METTL23: variants seen among roughly 807,000 people sequenced by gnomAD.
METTL23 encodes the protein methyltransferase 23, arginine.
A neutral mutation model predicts 21.2 loss-of-function variants in METTL23; 24 were observed. The ratio of observed to expected loss-of-function variants is 1.13; its 90% confidence interval spans 0.82 to 1.59. The LOEUF is 1.59. Among genes scored for constraint, METTL23 ranks in the 40% most tolerant of loss-of-function variants. METTL23 has a pLI of 0.00. For synonymous variants in METTL23, 97 were observed against 75.2 expected, an observed-to-expected ratio of 1.29 and a Z score of -1.50; for missense variants, 276 against 221.4, an observed-to-expected ratio of 1.25 and a Z score of -1.57.
chr17:76,733,627 C>A lies in METTL23; in HGVS notation c.514C>A (p.Leu172Ile). 6.2e-7 allele frequency: 1 copy of A among 1,613,852 alleles called. No homozygotes were observed. Among genetic ancestry groups the A allele is most frequent in the Non-Finnish European group, 8.5e-7 (1 of 1,179,836 alleles). ...CAAAGAAGATATAGCAGAATCTACC[C>A]TTCCAGGAAGACATACAGTTGAAAT... is the stretch of plus-strand genomic sequence containing the variant. ...ADKEDIAEST[L>I]PGRHTVEMLV... The change falls in exon 5 of 5, where the codon CTT becomes ATT. Residue 172 changes from leucine to isoleucine, a missense_variant. Coordinates refer to ENST00000341249, the MANE Select transcript of METTL23 (RefSeq NM_001080510.5).
intron 2 of METTL23, among the ~76,000 whole-genome samples, chr17:76,732,191 C>G (rs1378534542): frequency 2.1e-5 from 3 of 142,978 alleles, no homozygotes; most frequent in Non-Finnish European, 4.4e-5. Flanking sequence ...AACCCAGTCC[C>G]TACTAAAAAA....
At chr17:76,726,583 C>T, upstream of METTL23, 3 of 1,415,530 alleles carry the variant, frequency 2.1e-6, no homozygotes, top group Non-Finnish European at 2.8e-6. Context: ...ACCCAAACGC[C>T]CTTCGCTCAG....
rs1047845633 is a variant in METTL23 at position 76,731,348 on chromosome 17, T to G, written c.84+1554T>G. Reference sequence around the variant, plus strand: ...AGGATGAAAGTCCTTACAGGTTCAGTGTCTGGTGAGGGCCAGAATTCTGGT... The same window carrying G: ...AGGATGAAAGTCCTTACAGGTTCAGGGTCTGGTGAGGGCCAGAATTCTGGT... On this transcript the variant is annotated intron_variant, in intron 2 of 4. Coordinates refer to ENST00000341249, the MANE Select transcript of METTL23 (RefSeq NM_001080510.5). 2.0e-5 allele frequency among the ~76,000 whole-genome samples: 3 copies of G among 152,222 alleles called. 1 individual carries two copies. The highest frequency in any genetic ancestry group is 4.1e-4 in the South Asian group (2 of 4,832).
chr17:76,733,467 C>T (rs1035034906), intron 4 of METTL23, 54 bp from the exon 5 acceptor site: 2 of 1,599,282 alleles, frequency 1.3e-6, no homozygotes, highest in African/African-American at 2.7e-5. Context: ...TAGAATACAT[C>T]TGAAGCAAAA....
At chr17:76,728,792 C>CTT (rs10690835) in intron 1 of METTL23, among the ~76,000 whole-genome samples, 6,019 of 118,394 alleles carry the variant, frequency 0.051, 463 homozygotes, top group African/African-American at 0.15. Flanking sequence ...AGCCTCTTTC[C>CTT]TTTTTTTTTT....
chr17:76,732,427 G>A (rs1257733888), intron 2 of METTL23, among the ~76,000 whole-genome samples: 1 of 152,044 alleles, frequency 6.6e-6, no homozygotes, highest in Non-Finnish European at 1.5e-5. Context: ...GAACCCGGGA[G>A]GCGGGGGTTG....
rs901151956 is a variant in METTL23, at chr17:76,726,902, C to G, written c.-298C>G. 8.8e-6 allele frequency: 4 copies of G among 453,298 alleles called. No homozygotes were observed. The highest frequency in any genetic ancestry group is 6.2e-5 in the South Asian group (4 of 64,488). 28.1% of individuals were successfully genotyped at this position (453,298 alleles called of 1,614,324 possible). On this transcript the variant is annotated 5_prime_UTR_variant, in exon 1 of 5. Coordinates refer to ENST00000341249, the MANE Select transcript of METTL23 (RefSeq NM_001080510.5). ...CGTGTGAGTCTCTTTCGCCTTGCTC[C>G]GGGCTTTCTTCGCTCGCAGCGCGGC...
At chr17:76,732,794 C>A in intron 2 of METTL23, 184 bp from the exon 3 acceptor site, 1 of 611,612 alleles carries the variant, frequency 1.6e-6, no homozygotes. Flanking sequence ...AGAGTAGATT[C>A]ATAAGGAATG....
At chr17:76,732,891 C>T (rs1291989551) in intron 2 of METTL23, 87 bp from the exon 3 acceptor site, 9 of 1,126,510 alleles carry the variant, frequency 8.0e-6, no homozygotes, top group Middle Eastern at 2.3e-4. Flanking sequence ...TTTAAAAATG[C>T]AAGAATATAA....
Position 76,733,293 on chromosome 17 carries a change from A to T in METTL23, c.323A>T (p.Asp108Val). 1.9e-6 allele frequency: 3 copies of T among 1,613,942 alleles called. No homozygotes were observed. The highest frequency in any genetic ancestry group is 1.7e-6 in the Non-Finnish European group (2 of 1,179,838). The change falls in exon 4 of 5, where the codon GAT becomes GTT. Residue 108 changes from aspartate (D) to valine (V), a missense_variant and splice_region_variant. By Grantham distance (152) the Asp-to-Val change is radical (BLOSUM62 -3). Coordinates refer to ENST00000341249, the MANE Select transcript of METTL23 (RefSeq NM_001080510.5). The part of the protein sequence containing the change: ...LASDVFFEPE[D>V]FEDILATIYF... ...CTATTCATAAATCCTTTCTCCTCAG[A>T]TTTTGAAGACATTTTGGCTACAATA...
chr17:76,733,094 A>G lies in METTL23; in HGVS notation c.201A>G (p.Gln67=), dbSNP rs1266344170. ...TGGAAGTCTGTCGGCAAAGCTGCCA[A>G]ATGAATAACCTGCCACATCTGCAGG... ...HCLEVCRQSC[Q]MNNLPHLQVV... The change falls in exon 3 of 5, where the codon CAA becomes CAG. Residue 67 remains glutamine, a synonymous_variant. Transcript: ENST00000341249. 10 of 1,612,630 alleles carry G rather than the reference A, an allele frequency of 6.2e-6. No individual in the cohort carries two copies. The highest frequency in any genetic ancestry group is 1.6e-4 in the Middle Eastern group (1 of 6,084).
At chr17:76,729,108 T>G (rs1172902916) in intron 1 of METTL23, among the ~76,000 whole-genome samples, 1 of 143,154 alleles carries the variant, frequency 7.0e-6, no homozygotes, top group Non-Finnish European at 1.5e-5. Context: ...CATTTTTTTT[T>G]GAAACGTAGT....
At position 76,729,782 on chromosome 17, in the gene METTL23, G is replaced by T; in HGVS notation, c.72G>T (p.Lys24Asn). 4 of 1,590,758 alleles carry T rather than the reference G, an allele frequency of 2.5e-6. No homozygotes were observed. Among genetic ancestry groups the T allele is most frequent in the Non-Finnish European group, 3.4e-6 (4 of 1,166,902 alleles). ...LWFHRRSLPG[K>N]AILEIGAGVS... is the part of the protein sequence containing the mutation. The stretch of plus-strand genomic sequence containing the variant: ...TTCACAGAAGATCTCTGCCAGGCAA[G>T]GCCATCTTAGAGGTACAAATGCCCC... The change falls in exon 2 of 5, where the codon AAG becomes AAT. Residue 24 changes from lysine (K) to asparagine (N), a missense_variant. By Grantham distance (94) the Lys-to-Asn change is moderately conservative. Coordinates refer to ENST00000341249, the MANE Select transcript of METTL23 (RefSeq NM_001080510.5).
At chr17:76,728,367 C>G (rs1003130519) in intron 1 of METTL23, among the ~76,000 whole-genome samples, 3 of 151,722 alleles carry the variant, frequency 2.0e-5, no homozygotes, top group Non-Finnish European at 4.4e-5. Context: ...TTTCAAGTAA[C>G]TGAGACTACA....
rs1202763346 is a variant in METTL23, at chr17:76,733,801, CTGTT to C, written c.*118_*121del. ...GCAGTGGGTCTGAAGATGGTCAAGTCTGTTTGCCTTAGATTTTGATGTCACCTAG... is the reference window on the plus strand; with the variant it reads ...GCAGTGGGTCTGAAGATGGTCAAGTCTGCCTTAGATTTTGATGTCACCTAG... On this transcript the variant is annotated 3_prime_UTR_variant, in exon 5 of 5. Coordinates refer to ENST00000341249, the MANE Select transcript of METTL23 (RefSeq NM_001080510.5). The C allele has an allele frequency of 9.0e-6, 8 of 889,248 alleles. No individual in the cohort carries two copies. The South Asian group carries it at 1.0e-4, about 11-fold the overall frequency. 55.1% of individuals were successfully genotyped at this position (889,248 alleles called of 1,614,324 possible).
Position 76,733,153 on chromosome 17 carries a change from A to T in METTL23, c.260A>T (p.Asp87Val). 6.2e-7 allele frequency: 1 copy of T among 1,613,936 alleles called. No homozygotes were observed. The highest frequency in any genetic ancestry group is 8.5e-7 in the Non-Finnish European group (1 of 1,179,862). ...VGLTWGHISW[D>V]LLALPPQDII... ...CTAACATGGGGTCATATATCTTGGG[A>T]TCTTCTGGCTCTACCACCACAAGAT... The change falls in exon 3 of 5, where the codon GAT (aspartate) becomes GTT (valine). Residue 87 changes from aspartate (D) to valine (V), a missense_variant. Coordinates refer to ENST00000341249, the MANE Select transcript of METTL23 (RefSeq NM_001080510.5).
At position 76,733,314 on chromosome 17, in the gene METTL23, CAATAT is replaced by C; in HGVS notation, c.346_350del (p.Ile116PhefsTer18). 1.2e-6 allele frequency: 2 copies of C among 1,613,902 alleles called. No individual in the cohort carries two copies. Among genetic ancestry groups the C allele is most frequent in the Non-Finnish European group, 1.7e-6 (2 of 1,179,852 alleles). On this transcript the variant is annotated frameshift_variant, in exon 4 of 5. Coordinates refer to ENST00000341249, the MANE Select transcript of METTL23 (RefSeq NM_001080510.5). LOFTEE classifies it high-confidence loss of function. Reference sequence around the variant, plus strand: ...TCAGATTTTGAAGACATTTTGGCTACAATATATTTTTTGATGCACAAGAATCCCAA... The same window carrying C: ...TCAGATTTTGAAGACATTTTGGCTACATTTTTTGATGCACAAGAATCCCAA...
At position 76,732,963 on chromosome 17, in the gene METTL23, T is replaced by G. The variant is rs889901102; in HGVS notation, c.85-15T>G. On this transcript the variant is annotated splice_polypyrimidine_tract_variant and intron_variant, in intron 2 of 4. Coordinates refer to ENST00000341249, the MANE Select transcript of METTL23 (RefSeq NM_001080510.5). ...CAAGTATAATTGTGAAATGCCATCTTTCATAACTTATTAGATTGGAGCTGG... is the reference window on the plus strand; with the variant it reads ...CAAGTATAATTGTGAAATGCCATCTGTCATAACTTATTAGATTGGAGCTGG... 6.4e-7 allele frequency: 1 copy of G among 1,551,264 alleles called. No homozygotes were observed.
chr17:76,726,652 T>G, upstream of METTL23: 1 of 882,484 alleles, frequency 1.1e-6, no homozygotes, highest in Non-Finnish European at 1.6e-6. Context: ...CTCCCGAGCC[T>G]CGGGTTGGGC....
Sources: gnomAD v4.1 joint callset for allele counts (sites outside exome capture counted in the v4.1 genomes callset) on GRCh38, gnomAD v4.1.1 for gene constraint, MANE v1.5 for transcripts, NCBI Gene and HGNC (gene_info 2026-07-23, HGNC 2026-07-21) for gene names.